The following TEC variants were observed in gnomAD, a reference collection of about 807,000 sequenced individuals.
TEC encodes tec protein tyrosine kinase.
In TEC, 72 loss-of-function variants were observed where a neutral mutation model predicts 93.0. That is an observed-to-expected ratio of 0.77 (90% confidence interval 0.64 to 0.94). TEC has a LOEUF of 0.94. TEC is among the 40% of genes least tolerant of loss of function. The pLI, the probability that TEC is intolerant of heterozygous loss-of-function variation, is 0.00. For synonymous variants in TEC, 249 were observed against 247.7 expected, an observed-to-expected ratio of 1.01 and a Z score of -0.05; for missense variants, 630 against 757.9, an observed-to-expected ratio of 0.83 and a Z score of 1.98.
At chr4:48,246,162 C>G (rs926374270) in intron 1 of TEC, among the ~76,000 whole-genome samples, 4 of 151,694 alleles carry the variant, frequency 2.6e-5, no homozygotes, top group African/African-American at 7.3e-5. Context: ...TGTCTACCTA[C>G]AGAGAGAAAT....
chr4:48,193,605 G>T (rs1446275643), intron 2 of TEC, among the ~76,000 whole-genome samples: 1 of 145,920 alleles, frequency 6.9e-6, no homozygotes, highest in Non-Finnish European at 1.6e-5. Context: ...CTGTTTTTTT[G>T]TTTGTTTTTG....
At position 48,157,801 on chromosome 4, in the gene TEC, C is replaced by A. The variant is rs535621174; in HGVS notation, c.738-1067G>T. 9.8e-5 allele frequency among the ~76,000 whole-genome samples: 15 copies of A among 152,296 alleles called. No individual in the cohort carries two copies. In the South Asian group the frequency reaches 3.1e-3, roughly 32 times the overall value. ...AAAATCCTGGGATTACAGGCATGAG[C>A]CACCATGCCTGGCCCTGTACCTCTT... is the stretch of plus-strand genomic sequence containing the variant. On this transcript the variant is annotated intron_variant, in intron 8 of 17. Transcript: ENST00000381501.
At chr4:48,184,268 T>C (rs73244496) in intron 2 of TEC, among the ~76,000 whole-genome samples, 11,762 of 152,276 alleles carry the variant, frequency 0.077, 545 homozygotes, top group South Asian at 0.13. Context: ...TTAATTCCAA[T>C]CCTGAATTTG....
intron 2 of TEC, among the ~76,000 whole-genome samples, chr4:48,206,238 G>A (rs1722708899): frequency 1.3e-5 from 2 of 152,128 alleles, no homozygotes; most frequent in Middle Eastern, 3.2e-3. Context: ...AAAAAGTTAT[G>A]GAACTAGATA....
At chr4:48,212,861 T>C (rs1475981479) in intron 2 of TEC, among the ~76,000 whole-genome samples, 1 of 152,202 alleles carries the variant, frequency 6.6e-6, no homozygotes, top group Non-Finnish European at 1.5e-5. Context: ...CTTAATCAGA[T>C]TGTAAGCTTA....
chr4:48,154,891 C>T (rs1040736438), intron 9 of TEC, among the ~76,000 whole-genome samples: 1 of 152,146 alleles, frequency 6.6e-6, no homozygotes, highest in African/African-American at 2.4e-5. Context: ...TTTGCTATAT[C>T]CCCAGTCTGC....
intron 15 of TEC, among the ~76,000 whole-genome samples, chr4:48,140,171 TGA>T (rs1355871217): frequency 2.0e-5 from 3 of 152,234 alleles, no homozygotes; most frequent in Non-Finnish European, 4.4e-5. Context: ...TCCCTGGGCC[TGA>T]GTTTCCTTAG....
chr4:48,240,684 G>A (rs1560422311), intron 1 of TEC, among the ~76,000 whole-genome samples: 2 of 151,972 alleles, frequency 1.3e-5, no homozygotes, highest in Non-Finnish European at 2.9e-5. Flanking sequence ...TCTACATCAT[G>A]ATAAAAAGAT....
chr4:48,247,110 T>C (rs1312542282), intron 1 of TEC, among the ~76,000 whole-genome samples: 2 of 151,188 alleles, frequency 1.3e-5, no homozygotes, highest in East Asian at 1.9e-4. Context: ...TCCAAAAACA[T>C]ATATGAATGG....
At chr4:48,202,254 G>C (rs1722549936) in intron 2 of TEC, among the ~76,000 whole-genome samples, 2 of 152,152 alleles carry the variant, frequency 1.3e-5, no homozygotes, top group Non-Finnish European at 2.9e-5. Flanking sequence ...ACTCAAATCA[G>C]TGTGAACCAC....
chr4:48,175,185 G>A (rs759590263), intron 3 of TEC, among the ~76,000 whole-genome samples: 2 of 152,178 alleles, frequency 1.3e-5, no homozygotes, highest in Non-Finnish European at 2.9e-5. Context: ...AATAAGCCAG[G>A]AGCTTGGATA....
chr4:48,217,599 A>C (rs2352594), intron 2 of TEC, among the ~76,000 whole-genome samples: 66,721 of 151,996 alleles, frequency 0.44, 15,155 homozygotes, highest in Admixed American at 0.55. Context: ...GTCATGAGAT[A>C]GCTGGCATTT....
chr4:48,192,358 G>A (rs1722122243), intron 2 of TEC, among the ~76,000 whole-genome samples: 1 of 152,152 alleles, frequency 6.6e-6, no homozygotes. Context: ...GCATGAAGAG[G>A]GAGGTATGAA....
At position 48,256,815 on chromosome 4, in the gene TEC, G is replaced by GAGGAGTC. The variant is rs1724359031; in HGVS notation, c.-46+12930_-46+12936dup. 6.6e-5 allele frequency among the ~76,000 whole-genome samples: 10 copies of GAGGAGTC among 152,222 alleles called. No individual in the cohort carries two copies. In the South Asian group the frequency reaches 2.1e-3, roughly 32 times the overall value. ...GCAGGGAAAATAAGATGGATGCTGAGAGGAGTCAGGAGTCAGGGATGGGGA... is the reference window on the plus strand; with the variant it reads ...GCAGGGAAAATAAGATGGATGCTGAGAGGAGTCAGGAGTCAGGAGTCAGGGATGGGGA... On this transcript the variant is annotated intron_variant, in intron 1 of 17. Coordinates refer to ENST00000381501, the MANE Select transcript of TEC (RefSeq NM_003215.3).
intron 2 of TEC, among the ~76,000 whole-genome samples, chr4:48,207,478 TA>T (rs1448461994): frequency 3.3e-5 from 5 of 152,020 alleles, no homozygotes; most frequent in Non-Finnish European, 1.5e-5. Flanking sequence ...CATTATAAAA[TA>T]AACATGTTAA....
intron 1 of TEC, among the ~76,000 whole-genome samples, chr4:48,236,486 G>A (rs1410846001): frequency 1.3e-5 from 2 of 152,152 alleles, no homozygotes; most frequent in African/African-American, 4.8e-5. Context: ...GTTTCACCGT[G>A]TTAGCCAGGA....
intron 2 of TEC, among the ~76,000 whole-genome samples, chr4:48,221,389 G>A (rs537781445): frequency 6.8e-4 from 104 of 152,256 alleles, no homozygotes; most frequent in Middle Eastern, 3.4e-3. Flanking sequence ...GGCTTTTCCC[G>A]CTTTGCTCAG....
chr4:48,193,057 G>A (rs1215408870), intron 2 of TEC, among the ~76,000 whole-genome samples: 1 of 152,114 alleles, frequency 6.6e-6, no homozygotes, highest in East Asian at 1.9e-4. Flanking sequence ...TAAATAAATA[G>A]GAGAGGACTC....
chr4:48,166,361 G>C (rs931292935), intron 7 of TEC, among the ~76,000 whole-genome samples: 3 of 152,128 alleles, frequency 2.0e-5, no homozygotes, highest in African/African-American at 4.8e-5. Flanking sequence ...GATAAAGTTT[G>C]CTAGCTTGAT....
Sources: allele counts gnomAD v4.1 joint callset (sites outside exome capture counted in the v4.1 genomes callset), GRCh38; gene constraint gnomAD v4.1.1; transcripts MANE v1.5; gene names NCBI Gene and HGNC (gene_info 2026-07-23, HGNC 2026-07-21).